The following SYNPR variants were observed in gnomAD, a reference collection of about 807,000 sequenced individuals.
The protein encoded by SYNPR is synaptoporin.
A neutral mutation model predicts 32.9 loss-of-function variants in SYNPR; 23 were observed. The observed-to-expected ratio is 0.70, with a 90% confidence interval of 0.50 to 0.99. The LOEUF is 0.99. Among genes scored for constraint, SYNPR ranks in the 50% least tolerant of loss-of-function variants. SYNPR has a pLI of 0.00. For missense variants in SYNPR, 318 were observed against 349.3 expected (o/e 0.91, Z 0.71); for synonymous variants, 146 against 135.9 (o/e 1.07, Z -0.52).
rs146234426 is a variant in SYNPR, at chr3:63,515,226, A to C, written c.209+34270A>C. ...AACATCTGCGAGCTTATGATATATC[A>C]GACTTTGCCCTACATTTCTATGTGG... On this transcript the variant is annotated intron_variant, in intron 3 of 5. Transcript: ENST00000478300. Among the ~76,000 whole-genome samples the C allele has an allele frequency of 3.1e-3, 469 of 152,102 alleles. 3 individuals carry two copies. Among genetic ancestry groups the C allele is most frequent in the African/African-American group, 0.011 (443 of 41,518 alleles).
In SYNPR at chr3:63,433,668, G is replaced by A. The variant is rs879737792; in HGVS notation, c.85-47164G>A. ...TTCACCACTGCCCCATCGGATACCA[G>A]GGCTGCAGCGCCTCCCCTTGCAGCC... On this transcript the variant is annotated intron_variant, in intron 2 of 5. Coordinates refer to ENST00000478300, the MANE Select transcript of SYNPR (RefSeq NM_001130003.2). Among the ~76,000 whole-genome samples the A allele has an allele frequency of 8.4e-4, 128 of 152,240 alleles. 1 individual carries two copies. The highest frequency in any genetic ancestry group is 9.0e-4 in the Non-Finnish European group (61 of 68,020).
intron 4 of SYNPR, among the ~76,000 whole-genome samples, chr3:63,599,658 C>T (rs576016787): frequency 5.3e-5 from 8 of 152,210 alleles, no homozygotes; most frequent in African/African-American, 1.7e-4. Context: ...TGACAGATGA[C>T]GGTATTTCAT....
rs1464524294 is a variant in SYNPR, at chr3:63,244,189, T to C, written n.67-8310T>C. Among the ~76,000 whole-genome samples the C allele has an allele frequency of 1.3e-5, 2 of 152,028 alleles. 1 individual carries two copies. The highest frequency in any genetic ancestry group is 2.9e-5 in the Non-Finnish European group (2 of 67,978). On this transcript the variant is annotated intron_variant and non_coding_transcript_variant, in intron 1 of 4. Transcript: ENST00000478456. The stretch of plus-strand genomic sequence containing the variant: ...GCTTGCATGGTGGGAACTGAGGCCA[T>C]GGAGGTAGAGACCAACCTGAAGGAA...
intron 3 of SYNPR, among the ~76,000 whole-genome samples, chr3:63,550,911 T>G (rs575293788): frequency 6.6e-6 from 1 of 152,322 alleles, no homozygotes; most frequent in East Asian, 1.9e-4. Context: ...TGCACCACCA[T>G]TCCCTTTCCC....
intron 2 of SYNPR, among the ~76,000 whole-genome samples, chr3:63,389,283 C>T (rs971162027): frequency 6.6e-6 from 1 of 151,884 alleles, no homozygotes; most frequent in East Asian, 1.9e-4. Flanking sequence ...TAAAAAATAC[C>T]AAAACCAACA....
At chr3:63,210,206 C>A in the SYNPR span, among the ~76,000 whole-genome samples, 3 of 152,070 alleles carry the variant, frequency 2.0e-5, no homozygotes, top group Non-Finnish European at 4.4e-5. Flanking sequence ...ATATCTTGGC[C>A]AGTATTAGTT....
intron 4 of SYNPR, among the ~76,000 whole-genome samples, chr3:63,593,101 A>G (rs138719270): frequency 1.2e-3 from 184 of 152,232 alleles, no homozygotes; most frequent in African/African-American, 4.1e-3. Flanking sequence ...AAAATTCTCA[A>G]TGAAGATCAA....
intron 2 of SYNPR, among the ~76,000 whole-genome samples, chr3:63,298,498 T>C: frequency 6.6e-6 from 1 of 152,104 alleles, no homozygotes; most frequent in East Asian, 1.9e-4. Context: ...TACAAGAGCC[T>C]ATGATGGAGT....
intron 2 of SYNPR, among the ~76,000 whole-genome samples, chr3:63,264,515 T>A (rs1447715461): frequency 1.2e-4 from 19 of 152,100 alleles, no homozygotes; most frequent in African/African-American, 4.6e-4. Flanking sequence ...CGGAAACAAC[T>A]CCTATCAGCA....
At chr3:63,602,293 G>GT (rs1305463014) in intron 4 of SYNPR, among the ~76,000 whole-genome samples, 1 of 149,926 alleles carries the variant, frequency 6.7e-6, no homozygotes, top group Non-Finnish European at 1.5e-5. Context: ...CATTTTGTAA[G>GT]TTTTCTGTTT....
chr3:63,265,534 G>A (rs999498486), intron 2 of SYNPR, among the ~76,000 whole-genome samples: 5 of 152,192 alleles, frequency 3.3e-5, no homozygotes, highest in Non-Finnish European at 7.3e-5. Flanking sequence ...TTACAGGCGT[G>A]AGCCACTGCG....
intron 2 of SYNPR, among the ~76,000 whole-genome samples, chr3:63,428,779 A>G (rs1699934662): frequency 6.6e-6 from 1 of 152,228 alleles, no homozygotes; most frequent in Non-Finnish European, 1.5e-5. Flanking sequence ...TATTCCCATG[A>G]TGACTTGGAA....
intron 3 of SYNPR, among the ~76,000 whole-genome samples, chr3:63,529,101 A>ATT (rs5849563): frequency 6.6e-6 from 1 of 151,902 alleles, no homozygotes; most frequent in Non-Finnish European, 1.5e-5. Context: ...TCTGTGTATG[A>ATT]TTTTTTTCCC....
intron 3 of SYNPR, among the ~76,000 whole-genome samples, chr3:63,488,571 G>T (rs955585235): frequency 5.9e-5 from 9 of 152,160 alleles, no homozygotes; most frequent in African/African-American, 2.2e-4. Context: ...TTATAAAAAG[G>T]CAGTAATACC....
At chr3:63,613,946 A>G (rs1700240971) in intron 5 of SYNPR, among the ~76,000 whole-genome samples, 3 of 152,174 alleles carry the variant, frequency 2.0e-5, no homozygotes, top group African/African-American at 7.2e-5. Flanking sequence ...GATTCCATTC[A>G]TGTGCTGCTA....
intron 3 of SYNPR, among the ~76,000 whole-genome samples, chr3:63,498,185 G>A (rs1320084788): frequency 6.6e-6 from 1 of 152,140 alleles, no homozygotes; most frequent in Non-Finnish European, 1.5e-5. Flanking sequence ...CTATGTTTGC[G>A]ATCTAAGGGC....
At chr3:63,415,565 A>G (rs557688138) in intron 2 of SYNPR, among the ~76,000 whole-genome samples, 1 of 152,306 alleles carries the variant, frequency 6.6e-6, no homozygotes, top group African/African-American at 2.4e-5. Flanking sequence ...CAACTGCTCC[A>G]CTCAGCCATT....
intron 2 of SYNPR, among the ~76,000 whole-genome samples, chr3:63,378,156 G>A (rs2087918313): frequency 6.6e-6 from 1 of 151,676 alleles, no homozygotes; most frequent in South Asian, 2.1e-4. Context: ...AATTGATCTA[G>A]TATAATATTT....
intron 2 of SYNPR, among the ~76,000 whole-genome samples, chr3:63,424,995 C>A (rs1320610185): frequency 6.6e-6 from 1 of 152,124 alleles, no homozygotes; most frequent in Non-Finnish European, 1.5e-5. Context: ...GTGCCCAATC[C>A]CAATCACATT....
Sources: gnomAD v4.1 joint callset for allele counts (sites outside exome capture counted in the v4.1 genomes callset) on GRCh38, gnomAD v4.1.1 for gene constraint, MANE v1.5 for transcripts, NCBI Gene and HGNC (gene_info 2026-07-23, HGNC 2026-07-21) for gene names.